FFAR1: variants seen among roughly 807,000 people sequenced by gnomAD.
FFAR1 encodes G-protein coupled receptor 40.
For missense variants in FFAR1, 424 were observed against 396.2 expected (o/e 1.07, Z -0.60); for synonymous variants, 216 against 201.5 (o/e 1.07, Z -0.61).
exon 1 of FFAR1, chr19:35,351,656 G>T (rs1040577492): frequency 1.3e-6 from 2 of 1,551,250 alleles, no homozygotes; most frequent in East Asian, 4.8e-5. Flanking sequence ...CCCACGCCCG[G>T]CTCCGTCTCA....
upstream of FFAR1, chr19:35,351,506 G>A (rs1334034893): frequency 3.3e-6 from 5 of 1,527,900 alleles, no homozygotes; most frequent in South Asian, 6.0e-5. Flanking sequence ...TGAGGACAGG[G>A]AGCCAGGTTG....
At chr19:35,348,452 AG>A (rs2066930238), upstream of FFAR1, among the ~76,000 whole-genome samples, 1 of 152,210 alleles carries the variant, frequency 6.6e-6, no homozygotes, top group Non-Finnish European at 1.5e-5. Context: ...TACAAAAATT[AG>A]CTGAGCGTGG....
At chr19:35,350,023 C>CGGCCGGTGCCACAT (rs2066937485), upstream of FFAR1, among the ~76,000 whole-genome samples, 1 of 152,162 alleles carries the variant, frequency 6.6e-6, no homozygotes, top group Non-Finnish European at 1.5e-5. Context: ...GCTACGCAGC[C>CGGCCGGTGCCACAT]GGCCGGTGCC....
exon 1 of FFAR1, chr19:35,352,026 G>C: frequency 6.2e-7 from 1 of 1,614,080 alleles, no homozygotes; most frequent in Admixed American, 1.7e-5. Flanking sequence ...CACCTCCCTG[G>C]GCATCAACAC....
chr19:35,351,579 G>C (rs1408115648), exon 1 of FFAR1: 1 of 1,540,972 alleles, frequency 6.5e-7, no homozygotes, highest in Admixed American at 2.0e-5. Context: ...GCTCTCCTTC[G>C]GCCTCTATGT....
exon 1 of FFAR1, chr19:35,351,963 C>T (rs1475948070): frequency 2.7e-5 from 44 of 1,614,040 alleles, no homozygotes; most frequent in Admixed American, 3.3e-5. Context: ...CCTGTGTCAC[C>T]TGGGTCTGGT....
chr19:35,349,921 T>G (rs1451297271), upstream of FFAR1, among the ~76,000 whole-genome samples: 2 of 152,146 alleles, frequency 1.3e-5, no homozygotes, highest in African/African-American at 4.8e-5. Flanking sequence ...CCAGAGAGGT[T>G]AGAAATCTTC....
exon 1 of FFAR1, chr19:35,352,286 G>A: frequency 6.4e-7 from 1 of 1,552,190 alleles, no homozygotes; most frequent in Non-Finnish European, 8.7e-7. Context: ...CCTCCAACGT[G>A]GCCAGCTTCC....
At chr19:35,351,660 C>T (rs765475198) in exon 1 of FFAR1, 5 of 1,552,982 alleles carry the variant, frequency 3.2e-6, no homozygotes, top group East Asian at 2.4e-5. Context: ...CGCCCGGCTC[C>T]GTCTCACCCC....
upstream of FFAR1, among the ~76,000 whole-genome samples, chr19:35,349,974 A>G (rs2066937193): frequency 6.6e-6 from 1 of 152,182 alleles, no homozygotes; most frequent in Admixed American, 6.5e-5. Context: ...AGTGGGAAAC[A>G]TGAAAGGCTG....
chr19:35,352,370 G>T (rs767730676), exon 1 of FFAR1: 2 of 1,553,146 alleles, frequency 1.3e-6, no homozygotes, highest in South Asian at 1.2e-5. Flanking sequence ...TGCTTAATCC[G>T]CTGGTGACCG....
rs1195440919 is a variant in FFAR1 at position 35,352,328 on chromosome 19, G to T, written c.777G>T (p.Lys259Asn). The T allele has an allele frequency of 2.6e-6, 4 of 1,552,186 alleles. No individual in the cohort carries two copies. The East Asian group carries it at 7.3e-5, about 28-fold the overall frequency. The change falls in exon 1 of 1, where the codon AAG (lysine) becomes AAT (asparagine). Residue 259 changes from lysine (K) to asparagine (N), a missense_variant. Physicochemically the swap from Lys to Asn is moderately conservative, Grantham distance 94 (BLOSUM62 0). Coordinates refer to ENST00000246553, the Ensembl canonical transcript of FFAR1. Reference sequence around the variant, plus strand: ...CCAATCTAGGAGGCTCCTGGCGGAAGCTGGGGCTCATCACGGGTGCCTGGA... The same window carrying T: ...CCAATCTAGGAGGCTCCTGGCGGAATCTGGGGCTCATCACGGGTGCCTGGA...
At chr19:35,352,674 C>T (rs564914616) in exon 1 of FFAR1, 3 of 593,818 alleles carry the variant, frequency 5.1e-6, no homozygotes, top group Non-Finnish European at 9.0e-6. Context: ...TGCCCCTGCA[C>T]GTGTCGAGGA....
upstream of FFAR1, among the ~76,000 whole-genome samples, chr19:35,350,859 C>G (rs34141661): frequency 0.019 from 2,905 of 152,082 alleles, 69 homozygotes; most frequent in South Asian, 0.087. Context: ...CTCTCTGTGG[C>G]TCCTCTCTTC....
chr19:35,349,652 T>A (rs2066936193), upstream of FFAR1, among the ~76,000 whole-genome samples: 1 of 152,180 alleles, frequency 6.6e-6, no homozygotes, highest in Non-Finnish European at 1.5e-5. Flanking sequence ...CCCTGAAGCC[T>A]GGTGACCAGA....
exon 1 of FFAR1, chr19:35,352,339 T>C (rs1026433053): frequency 5.8e-6 from 9 of 1,552,202 alleles, no homozygotes; most frequent in Middle Eastern, 1.7e-4. Context: ...CTGGGGCTCA[T>C]CACGGGTGCC....
chr19:35,351,804 G>A (rs772100372), exon 1 of FFAR1: 3 of 1,603,146 alleles, frequency 1.9e-6, no homozygotes, highest in Non-Finnish European at 2.6e-6. Flanking sequence ...CTTCGCGGTG[G>A]CCCACTTCTT....
exon 1 of FFAR1, chr19:35,352,050 T>C (rs752341871): frequency 1.2e-6 from 2 of 1,613,778 alleles, no homozygotes; most frequent in South Asian, 1.1e-5. Context: ...GGTCAACGGC[T>C]CTCCGGTCTG....
chr19:35,351,655 G>T, exon 1 of FFAR1: 3 of 1,550,836 alleles, frequency 1.9e-6, no homozygotes, highest in Non-Finnish European at 2.6e-6. Context: ...GCCCACGCCC[G>T]GCTCCGTCTC....
Sources: allele counts gnomAD v4.1 joint callset (sites outside exome capture counted in the v4.1 genomes callset), GRCh38; gene constraint gnomAD v4.1.1; transcripts MANE v1.5; gene names NCBI Gene and HGNC (gene_info 2026-07-23, HGNC 2026-07-21).